PRKAG2: variants seen among roughly 807,000 people sequenced by gnomAD.
PRKAG2 encodes protein kinase AMP-activated non-catalytic subunit gamma 2, also known as 5'-AMP-activated protein kinase subunit gamma-2.
Under a neutral mutation model 69.6 loss-of-function variants are expected in PRKAG2, and 26 were observed. That is an observed-to-expected ratio of 0.37 (90% CI 0.27 to 0.52). The LOEUF (loss-of-function observed/expected upper bound fraction) is 0.52, where lower values mean the gene tolerates loss of function less well. Ranked by LOEUF, PRKAG2 falls within the 20% of genes least tolerant of loss-of-function variation. The pLI is 0.90. For missense variants in PRKAG2, 557 were observed against 740.0 expected, an observed-to-expected ratio of 0.75 and a Z score of 2.87; for synonymous variants, 293 against 285.0, an observed-to-expected ratio of 1.03 and a Z score of -0.28.
Position 151,839,283 on chromosome 7 carries a change from G to A in PRKAG2, c.114+37224C>T, listed in dbSNP as rs1385498345. On this transcript the variant is annotated intron_variant, in intron 1 of 15. Transcript: ENST00000287878. Reference sequence around the variant, plus strand: ...CTGGCCTGCAGAAGGAAGGAAAGTAGAAGGAGGAAGTCAAGTGATGCTGGG... The same window carrying A: ...CTGGCCTGCAGAAGGAAGGAAAGTAAAAGGAGGAAGTCAAGTGATGCTGGG... Among the ~76,000 whole-genome samples, 12 of 152,214 alleles carry A rather than the reference G, an allele frequency of 7.9e-5. No homozygotes were observed. The South Asian group carries it at 1.7e-3, about 21-fold the overall frequency.
At chr7:151,722,472 A>T (rs1797266391) in intron 3 of PRKAG2, among the ~76,000 whole-genome samples, 1 of 152,162 alleles carries the variant, frequency 6.6e-6, no homozygotes, top group South Asian at 2.1e-4. Flanking sequence ...TTCCAGCGAA[A>T]GGACTACCAT....
chr7:151,701,964 C>T (rs1363852047), intron 3 of PRKAG2, among the ~76,000 whole-genome samples: 1 of 152,212 alleles, frequency 6.6e-6, no homozygotes, highest in African/African-American at 2.4e-5. Context: ...TGACTTCAGC[C>T]TTCTGGCCGG....
chr7:151,851,499 G>A (rs73728422), intron 1 of PRKAG2, among the ~76,000 whole-genome samples: 3,933 of 152,270 alleles, frequency 0.026, 182 homozygotes, highest in African/African-American at 0.09. Context: ...ACGTGGAGTC[G>A]CAATGGCCAG....
In PRKAG2 at chr7:151,818,686, G is replaced by A. The variant is rs1056854854; in HGVS notation, c.115-32145C>T. ...TGTGCAGGGGAAAGCCAGAGGCCAG[G>A]GCAGCTGAAAGAAGAGGGAACCCCC... On this transcript the variant is annotated intron_variant, in intron 1 of 15. Coordinates refer to ENST00000287878, the MANE Select transcript of PRKAG2 (RefSeq NM_016203.4). Among the ~76,000 whole-genome samples the A allele has an allele frequency of 3.3e-5, 5 of 152,246 alleles. No homozygotes were observed. In the South Asian group the frequency reaches 1.0e-3, roughly 31 times the overall value.
chr7:151,568,790 C>T lies in PRKAG2; in HGVS notation c.1159G>A (p.Val387Ile), dbSNP rs778811623. Reference protein sequence around the residue: ...LIKNKIHRLPVIDPISGNALY... With the variant: ...LIKNKIHRLPIIDPISGNALY... ...GCATTCCCACTGATAGGGTCAATAA[C>T]GGGCAATCTGTGGATTTTATTTTTG... Residue 387 changes from valine (V) to isoleucine (I), a missense_variant, in exon 11 of 16, where the codon GTT (valine) becomes ATT (isoleucine). Around this residue, in one of 2 missense-constraint regions of PRKAG2, gnomAD observed 205 missense variants for 383.4 expected, o/e 0.53. Coordinates refer to ENST00000287878, the MANE Select transcript of PRKAG2 (RefSeq NM_016203.4). The T allele has an allele frequency of 6.8e-6, 11 of 1,613,816 alleles. No individual in the cohort carries two copies. The highest frequency in any genetic ancestry group is 2.2e-5 in the South Asian group (2 of 91,082).
At chr7:151,802,825 T>C (rs1210780923) in intron 1 of PRKAG2, among the ~76,000 whole-genome samples, 1 of 152,006 alleles carries the variant, frequency 6.6e-6, no homozygotes, top group African/African-American at 2.4e-5. Context: ...CTACACGCTG[T>C]CCTGGGACAC....
chr7:151,772,984 T>TGAAAGAAAGAAAGAAAGAAAGAAAGAAA lies in PRKAG2; in HGVS notation c.466+8140_466+8167dup, dbSNP rs1257330966. 8.4e-5 allele frequency among the ~76,000 whole-genome samples: 6 copies of TGAAAGAAAGAAAGAAAGAAAGAAAGAAA among 71,832 alleles called. 1 individual carries two copies. The highest frequency in any genetic ancestry group is 1.9e-4 in the Admixed American group (1 of 5,130). 47.1% of individuals were successfully genotyped at this position (71,832 alleles called of 152,430 possible). A position where few individuals can be genotyped will look rare whatever the true frequency, so the allele number is the denominator to read the frequency against. ...GACAGAGACCCTGTCTCTAAATGAA[T>TGAAAGAAAGAAAGAAAGAAAGAAAGAAA]GAAAGAAAGAAAGAAAGAAAGAAAG... On this transcript the variant is annotated intron_variant, in intron 3 of 15. Transcript: ENST00000287878.
At chr7:151,689,097 A>T (rs984416768) in intron 3 of PRKAG2, among the ~76,000 whole-genome samples, 6 of 152,236 alleles carry the variant, frequency 3.9e-5, no homozygotes, top group African/African-American at 1.4e-4. Flanking sequence ...CTGTCACACT[A>T]AAGCTTCCAG....
chr7:151,716,635 T>C (rs1203085318), intron 3 of PRKAG2, among the ~76,000 whole-genome samples: 3 of 152,016 alleles, frequency 2.0e-5, no homozygotes, highest in East Asian at 1.9e-4. Flanking sequence ...CCCCATTCTG[T>C]AGAGGTGGAA....
intron 4 of PRKAG2, among the ~76,000 whole-genome samples, chr7:151,653,879 C>A (rs1828969256): frequency 6.6e-6 from 1 of 152,124 alleles, no homozygotes; most frequent in Non-Finnish European, 1.5e-5. Context: ...GTACACGTCT[C>A]GCTGCAGATA....
chr7:151,861,396 T>C (rs1386537201), intron 1 of PRKAG2, among the ~76,000 whole-genome samples: 1 of 151,692 alleles, frequency 6.6e-6, no homozygotes, highest in Non-Finnish European at 1.5e-5. Context: ...GTCATGGTGG[T>C]GCATGCTTGT....
intron 5 of PRKAG2, among the ~76,000 whole-genome samples, chr7:151,607,013 A>T (rs1462381870): frequency 6.6e-6 from 1 of 152,188 alleles, no homozygotes; most frequent in African/African-American, 2.4e-5. Flanking sequence ...GCTCTACAAA[A>T]GGAAGAAACC....
intron 1 of PRKAG2, among the ~76,000 whole-genome samples, chr7:151,847,861 C>T (rs903306228): frequency 3.3e-5 from 5 of 152,230 alleles, no homozygotes; most frequent in African/African-American, 9.6e-5. Flanking sequence ...GCAGCTCACA[C>T]GGGCTCCCCG....
intron 1 of PRKAG2, among the ~76,000 whole-genome samples, chr7:151,837,695 C>T (rs770428743): frequency 6.6e-6 from 1 of 152,074 alleles, no homozygotes; most frequent in Non-Finnish European, 1.5e-5. Context: ...GGCTCTTAAG[C>T]CCTAACACCT....
At position 151,634,985 on chromosome 7, in the gene PRKAG2, T is replaced by C. The variant is rs532680386; in HGVS notation, c.685-2847A>G. ...TTTTTTTTGAGACAGGGTCTCCCTC[T>C]GTGGCCCAGGCTGGAGCGCAGTGGA... On this transcript the variant is annotated intron_variant, in intron 4 of 15. Transcript: ENST00000287878. Among the ~76,000 whole-genome samples the C allele has an allele frequency of 7.1e-4, 107 of 150,276 alleles. 2 individuals are homozygous for C. The highest frequency in any genetic ancestry group is 2.2e-4 in the Non-Finnish European group (15 of 67,582).
intron 3 of PRKAG2, among the ~76,000 whole-genome samples, chr7:151,732,901 C>T (rs890968065): frequency 6.6e-6 from 1 of 152,172 alleles, no homozygotes; most frequent in African/African-American, 2.4e-5. Flanking sequence ...TCATGTTGAC[C>T]AGGCTGGTCT....
intron 1 of PRKAG2, among the ~76,000 whole-genome samples, chr7:151,793,536 G>T (rs1057248706): frequency 7.9e-5 from 12 of 152,234 alleles, no homozygotes; most frequent in African/African-American, 2.9e-4. Flanking sequence ...TCCAGCTACA[G>T]GCCCGAGGCC....
At chr7:151,812,872 C>T (rs2078491446) in intron 1 of PRKAG2, among the ~76,000 whole-genome samples, 1 of 152,034 alleles carries the variant, frequency 6.6e-6, no homozygotes, top group Admixed American at 6.6e-5. Context: ...CTGAATTTAA[C>T]CACTGAACCC....
chr7:151,817,080 G>A (rs1109890), intron 1 of PRKAG2, among the ~76,000 whole-genome samples: 6,945 of 152,114 alleles, frequency 0.046, 515 homozygotes, highest in African/African-American at 0.16. Context: ...GCTGCCCACC[G>A]CAAGCACGGT....
Sources: allele counts gnomAD v4.1 joint callset (sites outside exome capture counted in the v4.1 genomes callset), GRCh38; gene constraint gnomAD v4.1.1; regional missense constraint gnomAD v4.1.1; transcripts MANE v1.5; gene names NCBI Gene and HGNC (gene_info 2026-07-23, HGNC 2026-07-21).